The following CDK1 variants were observed in gnomAD, a reference collection of about 807,000 sequenced individuals.
The protein encoded by CDK1 is cyclin-dependent kinase 1.
In CDK1, 5 loss-of-function variants were observed where a neutral mutation model predicts 34.6. That is an observed-to-expected ratio of 0.14 (90% confidence interval 0.08 to 0.30). The LOEUF is 0.30. CDK1 is among the 10% of genes least tolerant of loss of function. The probability of loss-of-function intolerance (pLI) is 1.00; values close to 1 mark genes in which losing one functional copy is unlikely to be tolerated. For synonymous variants in CDK1, 108 were observed against 114.7 expected (o/e 0.94, Z 0.37); for missense variants, 157 against 345.7 (o/e 0.45, Z 4.33).
chr10:60,783,004 A>C (rs2080285523), intron 2 of CDK1, among the ~76,000 whole-genome samples: 1 of 152,162 alleles, frequency 6.6e-6, no homozygotes, highest in Admixed American at 6.5e-5. Flanking sequence ...TGCTAGAAAA[A>C]AAATTAGTTC....
chr10:60,786,215 A>G (rs2080314438), intron 4 of CDK1: 9 of 906,446 alleles, frequency 9.9e-6, no homozygotes, highest in Non-Finnish European at 1.2e-5. Context: ...GTACTGAAGT[A>G]TATAAAAGTG....
In CDK1 at chr10:60,794,443, T is replaced by C. The variant is rs564351004; in HGVS notation, c.*468T>C. On this transcript the variant is annotated 3_prime_UTR_variant, in exon 8 of 8. Coordinates refer to ENST00000395284, the MANE Select transcript of CDK1 (RefSeq NM_001786.5). The stretch of plus-strand genomic sequence containing the variant: ...CTAAAGATGAATATTTTTCTACTGG[T>C]ATTTTAATTTTTGACCTAAATGTTT... 1 of 152,302 alleles carries C rather than the reference T, an allele frequency of 6.6e-6. No individual in the cohort carries two copies. The highest frequency in any genetic ancestry group is 6.5e-5 in the Admixed American group (1 of 15,294). 9.4% of individuals were successfully genotyped at this position (152,302 alleles called of 1,614,324 possible).
intron 2 of CDK1, 65 bp from the exon 3 acceptor site, chr10:60,784,640 A>G: frequency 7.1e-7 from 1 of 1,417,162 alleles, no homozygotes; most frequent in Non-Finnish European, 9.7e-7. Context: ...AAGGAAAAAA[A>G]AAAAGAAAAA....
At chr10:60,779,112 T>A (rs1028590516) in intron 1 of CDK1, among the ~76,000 whole-genome samples, 2 of 152,160 alleles carry the variant, frequency 1.3e-5, no homozygotes, top group African/African-American at 4.8e-5. Context: ...CCGGCCCACC[T>A]GGAGCTGTTA....
At chr10:60,786,322 G>T in intron 4 of CDK1, 1 of 947,768 alleles carries the variant, frequency 1.1e-6, no homozygotes, top group Non-Finnish European at 1.3e-6. Flanking sequence ...CACTTTGTAT[G>T]TATATAAAGA....
At chr10:60,785,589 G>T in intron 3 of CDK1, 75 bp from the exon 4 acceptor site, 1 of 856,868 alleles carries the variant, frequency 1.2e-6, no homozygotes, top group South Asian at 2.2e-5. Context: ...TGAAATTATG[G>T]AAGGAGTTTT....
chr10:60,783,383 A>C (rs925033811), intron 2 of CDK1: 1 of 152,192 alleles, frequency 6.6e-6, no homozygotes, highest in Admixed American at 6.5e-5. Flanking sequence ...CTGTCAAAAA[A>C]ATTAAGCTTA....
In CDK1 at chr10:60,794,270, A is replaced by G. The variant is rs1434339370; in HGVS notation, c.*295A>G. 3 of 192,920 alleles carry G rather than the reference A, an allele frequency of 1.6e-5. No individual in the cohort carries two copies. Among genetic ancestry groups the G allele is most frequent in the African/African-American group, 2.3e-5 (1 of 42,950 alleles). The allele number at this position is 192,920 out of a possible 1,614,324, so 12.0% of individuals were successfully genotyped here. A position where few individuals can be genotyped will look rare whatever the true frequency, so the allele number is the denominator to read the frequency against. ...GTTGGCTTAAATCATCTCAGTCCTTATGGCAGTTTTATTTTCCTGTAGTTG... is the reference window on the plus strand; with the variant it reads ...GTTGGCTTAAATCATCTCAGTCCTTGTGGCAGTTTTATTTTCCTGTAGTTG... On this transcript the variant is annotated 3_prime_UTR_variant, in exon 8 of 8. Transcript: ENST00000395284.
At position 60,780,239 on chromosome 10, in the gene CDK1, T is replaced by C. The variant is rs2132060824; in HGVS notation, c.37+37T>C. On this transcript the variant is annotated intron_variant, in intron 2 of 7. Coordinates refer to ENST00000395284, the MANE Select transcript of CDK1 (RefSeq NM_001786.5). The stretch of plus-strand genomic sequence containing the variant: ...TAGTAAAATAAATTTTATGGAATGA[T>C]TTAACAATGCTACAACTTCTGTAAT... 2.9e-6 allele frequency: 3 copies of C among 1,020,650 alleles called. No homozygotes were observed. In the African/African-American group the frequency reaches 4.7e-5, roughly 16 times the overall value. 63.2% of individuals were successfully genotyped at this position (1,020,650 alleles called of 1,614,324 possible).
At chr10:60,792,363 GA>G in intron 7 of CDK1, 74 bp downstream of exon 7, 7 of 1,333,152 alleles carry the variant, frequency 5.3e-6, no homozygotes, top group Non-Finnish European at 7.2e-6. Context: ...GTTTTGCCTA[GA>G]AAATAGGAAG....
chr10:60,789,209 C>T (rs1218047732), intron 5 of CDK1, among the ~76,000 whole-genome samples: 1 of 152,100 alleles, frequency 6.6e-6, no homozygotes, highest in Non-Finnish European at 1.5e-5. Context: ...TTAGCATATC[C>T]ATTGCCCCAA....
chr10:60,792,167 A>T lies in CDK1; in HGVS notation c.673A>T (p.Asn225Tyr). Residue 225 changes from asparagine to tyrosine, a missense_variant, in exon 7 of 8, where the codon AAT becomes TAT. Physicochemically the swap from Asn to Tyr is moderately radical, Grantham distance 143. Coordinates refer to ENST00000395284, the MANE Select transcript of CDK1 (RefSeq NM_001786.5). ...TTTTAGAGCTTTGGGCACTCCCAAT[A>T]ATGAAGTGTGGCCAGAAGTGGAATC... The part of the protein sequence containing the change: ...RIFRALGTPN[N>Y]EVWPEVESLQ... 20 of 1,609,750 alleles carry T rather than the reference A, an allele frequency of 1.2e-5. No individual in the cohort carries two copies. The highest frequency in any genetic ancestry group is 1.6e-5 in the Non-Finnish European group (19 of 1,178,556).
intron 3 of CDK1, among the ~76,000 whole-genome samples, chr10:60,785,344 T>TATA: frequency 1.3e-5 from 2 of 152,278 alleles, no homozygotes; most frequent in South Asian, 4.1e-4. Context: ...GCTTTTAAGG[T>TATA]CAGATACCAC....
chr10:60,783,709 C>T (rs2080291531), intron 2 of CDK1: 1 of 152,112 alleles, frequency 6.6e-6, no homozygotes, highest in Non-Finnish European at 1.5e-5. Context: ...AGTCTTCTCC[C>T]TTATTGCCAT....
chr10:60,781,884 G>T (rs183018338), intron 2 of CDK1, among the ~76,000 whole-genome samples: 1 of 152,300 alleles, frequency 6.6e-6, no homozygotes, highest in African/African-American at 2.4e-5. Flanking sequence ...CCAACCCACA[G>T]GAGATAGCCA....
At chr10:60,779,172 T>G (rs972820511) in intron 1 of CDK1, among the ~76,000 whole-genome samples, 1 of 152,244 alleles carries the variant, frequency 6.6e-6, no homozygotes, top group Non-Finnish European at 1.5e-5. Flanking sequence ...TAGTGCAGTT[T>G]TTTTCATTTA....
chr10:60,788,969 A>G (rs1365892884), intron 5 of CDK1, among the ~76,000 whole-genome samples: 1 of 152,164 alleles, frequency 6.6e-6, no homozygotes, highest in East Asian at 1.9e-4. Context: ...TGTCTTAAAC[A>G]AATGCTATTG....
At chr10:60,786,137 AT>A in intron 4 of CDK1, 1 of 949,230 alleles carries the variant, frequency 1.1e-6, no homozygotes, top group Non-Finnish European at 1.3e-6. Context: ...AGTTTTGAAC[AT>A]GTTTTGGTCA....
intron 2 of CDK1, among the ~76,000 whole-genome samples, chr10:60,780,914 A>G (rs1589109303): frequency 1.3e-5 from 2 of 152,078 alleles, no homozygotes; most frequent in South Asian, 2.1e-4. Context: ...ATTCCCAACT[A>G]TATTTTTAAT....
Sources: allele counts gnomAD v4.1 joint callset (sites outside exome capture counted in the v4.1 genomes callset), GRCh38; gene constraint gnomAD v4.1.1; transcripts MANE v1.5; gene names NCBI Gene and HGNC (gene_info 2026-07-23, HGNC 2026-07-21).